The following NBN variants were observed in gnomAD, a reference collection of about 807,000 sequenced individuals.
The protein encoded by NBN is nibrin, also known as Nijmegen breakage syndrome 1 (nibrin).
Under a neutral mutation model 90.8 loss-of-function variants are expected in NBN, and 88 were observed. That is an observed-to-expected ratio of 0.97 (90% CI 0.82 to 1.16). The LOEUF is 1.16. Ranked by LOEUF, NBN falls within the 50% of genes most tolerant of loss-of-function variation. The probability of loss-of-function intolerance (pLI) is 0.00; values close to 1 mark genes in which losing one functional copy is unlikely to be tolerated. For missense variants in NBN, 894 were observed against 869.6 expected (o/e 1.03, Z -0.35); for synonymous variants, 328 against 295.1 (o/e 1.11, Z -1.14).
intron 11 of NBN, among the ~76,000 whole-genome samples, chr8:89,949,813 G>C (rs12680903): frequency 6.6e-6 from 1 of 151,922 alleles, no homozygotes; most frequent in Non-Finnish European, 1.5e-5. Context: ...ATGTTTAAAT[G>C]AAAGGATTAA....
At chr8:89,965,227 C>T (rs893595437) in intron 7 of NBN, among the ~76,000 whole-genome samples, 3 of 151,964 alleles carry the variant, frequency 2.0e-5, no homozygotes, top group East Asian at 1.9e-4. Context: ...AGAGGAAGGA[C>T]GGAGAGAAGT....
At chr8:89,966,043 A>G (rs1811239629) in intron 7 of NBN, among the ~76,000 whole-genome samples, 1 of 152,252 alleles carries the variant, frequency 6.6e-6, no homozygotes, top group Admixed American at 6.5e-5. Context: ...GTTATAAAGA[A>G]TGGTTACATA....
Position 89,964,467 on chromosome 8 carries a change from C to A in NBN, c.937G>T (p.Ala313Ser), listed in dbSNP as rs876660584. The change falls in exon 8 of 16, where the codon GCG becomes TCG. Residue 313 changes from alanine (A) to serine (S), a missense_variant. By Grantham distance (99) the Ala-to-Ser change is moderately conservative (BLOSUM62 1). Coordinates refer to ENST00000265433, the MANE Select transcript of NBN (RefSeq NM_002485.5). ...TTCTTTGTAGTCATGAAAATCACCGCCAATCCAATTTCTGCTTCAGGAATA... is the reference window on the plus strand; with the variant it reads ...TTCTTTGTAGTCATGAAAATCACCGACAATCCAATTTCTGCTTCAGGAATA... ...RPIPEAEIGLAVIFMTTKNYC... is the reference protein window; with the variant it reads ...RPIPEAEIGLSVIFMTTKNYC... The A allele has an allele frequency of 3.1e-6, 5 of 1,612,074 alleles. No individual in the cohort carries two copies. Among genetic ancestry groups the A allele is most frequent in the Non-Finnish European group, 3.4e-6 (4 of 1,178,392 alleles).
Position 89,935,034 on chromosome 8 carries a change from G to C in NBN, c.*548C>G, listed in dbSNP as rs909703350. ...ATTTTGTTTGGATCACCAGAGTTTA[G>C]GTAAGACTACAGCATAATGGAAAAG... On this transcript the variant is annotated 3_prime_UTR_variant, in exon 16 of 16. Transcript: ENST00000265433. 1 of 233,072 alleles carries C rather than the reference G, an allele frequency of 4.3e-6. No individual in the cohort carries two copies. Among genetic ancestry groups the C allele is most frequent in the Non-Finnish European group, 8.5e-6 (1 of 118,238 alleles). The allele number at this position is 233,072 out of a possible 1,614,324, so 14.4% of individuals were successfully genotyped here. A position where few individuals can be genotyped will look rare whatever the true frequency, so the allele number is the denominator to read the frequency against.
At chr8:89,973,673 C>G (rs1811615579) in intron 5 of NBN, among the ~76,000 whole-genome samples, 1 of 152,144 alleles carries the variant, frequency 6.6e-6, no homozygotes, top group African/African-American at 2.4e-5. Flanking sequence ...GTGAAGAGAT[C>G]ATTGAAAATC....
At chr8:89,967,237 G>A (rs1003422472) in intron 7 of NBN, among the ~76,000 whole-genome samples, 2 of 152,174 alleles carry the variant, frequency 1.3e-5, no homozygotes, top group South Asian at 2.1e-4. Flanking sequence ...GTGTGGGTGG[G>A]TGTGTCAGTG....
intron 1 of NBN, chr8:89,984,182 C>A (rs1242227038): frequency 1.4e-5 from 6 of 439,006 alleles, no homozygotes; most frequent in Non-Finnish European, 2.5e-5. Context: ...GCCGGGGGTT[C>A]CCACTAGGCG....
At chr8:89,977,437 A>G (rs558612840) in intron 5 of NBN, among the ~76,000 whole-genome samples, 10 of 152,286 alleles carry the variant, frequency 6.6e-5, no homozygotes, top group African/African-American at 2.2e-4. Context: ...TCCATGGTGT[A>G]TATGTGCATA....
At chr8:89,974,351 ATACTAGTC>A (rs1000023054) in intron 5 of NBN, among the ~76,000 whole-genome samples, 3 of 151,752 alleles carry the variant, frequency 2.0e-5, no homozygotes, top group African/African-American at 7.3e-5. Flanking sequence ...AAAATTACTA[ATACTAGTC>A]ATATTTCTTA....
At chr8:89,952,768 T>C (rs1014329924) in intron 11 of NBN, among the ~76,000 whole-genome samples, 2 of 152,066 alleles carry the variant, frequency 1.3e-5, no homozygotes, top group African/African-American at 4.8e-5. Context: ...AAGAAAATAA[T>C]CTCAGGTGTT....
At chr8:89,978,547 T>C (rs1455546151) in intron 4 of NBN, among the ~76,000 whole-genome samples, 3 of 152,220 alleles carry the variant, frequency 2.0e-5, no homozygotes, top group Admixed American at 2.0e-4. Context: ...CACTCAATTA[T>C]AAGAAGTCAC....
At position 89,965,353 on chromosome 8, in the gene NBN, G is replaced by A. The variant is rs141721022; in HGVS notation, c.897-846C>T. ...CTTCACATTAAAGGAATCTTATGGT[G>A]AACCTATTTTTTGTTGTTCTGTAAG... On this transcript the variant is annotated intron_variant, in intron 7 of 15. Transcript: ENST00000265433. 2.1e-3 allele frequency among the ~76,000 whole-genome samples: 321 copies of A among 152,206 alleles called. 2 individuals are homozygous for A. Among genetic ancestry groups the A allele is most frequent in the African/African-American group, 7.0e-3 (292 of 41,548 alleles).
At chr8:89,946,574 T>C (rs1205348026) in intron 12 of NBN, 4 of 353,318 alleles carry the variant, frequency 1.1e-5, no homozygotes, top group Non-Finnish European at 2.1e-5. Context: ...CTAGTAGTTA[T>C]TCTAATAAAT....
intron 14 of NBN, among the ~76,000 whole-genome samples, chr8:89,938,803 C>G (rs1809805218): frequency 1.3e-5 from 2 of 152,028 alleles, no homozygotes; most frequent in East Asian, 3.9e-4. Context: ...ATAGGGATAG[C>G]AAAACATAAA....
At chr8:89,953,715 A>C (rs763585737) in intron 10 of NBN, 24 bp from the exon 11 acceptor site, 2 of 1,568,490 alleles carry the variant, frequency 1.3e-6, no homozygotes, top group Non-Finnish European at 1.7e-6. Context: ...AAAAAGAAGA[A>C]AACAAAACAA....
At chr8:89,981,309 C>A (rs1349290001) in intron 3 of NBN, 66 bp downstream of exon 3, 3 of 1,480,694 alleles carry the variant, frequency 2.0e-6, no homozygotes, top group African/African-American at 2.8e-5. Context: ...TCAGAAATAT[C>A]ATTTTCCTTT....
chr8:89,971,365 C>CT (rs1811512600), intron 5 of NBN, 75 bp from the exon 6 acceptor site: 1 of 1,477,668 alleles, frequency 6.8e-7, no homozygotes, highest in Admixed American at 1.9e-5. Context: ...GAGTGACTAT[C>CT]TGACACTCAA....
Position 89,934,080 on chromosome 8 carries a change from G to C in NBN, c.*1502C>G, listed in dbSNP as rs1008290800. ...GGGCAGTCTTCCTTAGAAAGGGATT[G>C]TGGGCATGACAGAGAACAATATTAA... On this transcript the variant is annotated 3_prime_UTR_variant, in exon 16 of 16. Coordinates refer to ENST00000265433, the MANE Select transcript of NBN (RefSeq NM_002485.5). The C allele has an allele frequency of 3.0e-5, 7 of 230,180 alleles. No homozygotes were observed. The highest frequency in any genetic ancestry group is 5.2e-5 in the Non-Finnish European group (6 of 116,266). 14.3% of individuals were successfully genotyped at this position (230,180 alleles called of 1,614,324 possible).
chr8:89,963,321 C>T (rs1366584048), intron 8 of NBN, among the ~76,000 whole-genome samples: 1 of 152,160 alleles, frequency 6.6e-6, no homozygotes, highest in Admixed American at 6.5e-5. Context: ...ATGATGCTCC[C>T]CGGAGTGTGC....
Sources: allele counts gnomAD v4.1 joint callset (sites outside exome capture counted in the v4.1 genomes callset), GRCh38; gene constraint gnomAD v4.1.1; transcripts MANE v1.5; gene names NCBI Gene and HGNC (gene_info 2026-07-23, HGNC 2026-07-21).